The following EVL variants were observed in gnomAD, a reference collection of about 807,000 sequenced individuals.
The protein encoded by EVL is Enah/Vasp-like, also known as ena/VASP-like protein.
A neutral mutation model predicts 59.6 loss-of-function variants in EVL; 21 were observed. The ratio of observed to expected loss-of-function variants is 0.35; its 90% CI spans 0.25 to 0.51. EVL has a LOEUF of 0.51. Among genes scored for constraint, EVL ranks in the 20% least tolerant of loss-of-function variants. The pLI, the probability that EVL is intolerant of heterozygous loss-of-function variation, is 0.97. For missense variants in EVL, 462 were observed against 546.6 expected (o/e 0.85, Z 1.54); for synonymous variants, 198 against 203.5 (o/e 0.97, Z 0.23).
intron 9 of EVL, 80 bp from the exon 10 acceptor site, chr14:100,137,498 T>A: frequency 6.8e-7 from 1 of 1,462,374 alleles, no homozygotes; most frequent in Admixed American, 1.7e-5. Context: ...GAGGGCTTCC[T>A]GTTGGGGTGT....
chr14:100,016,366 T>C (rs1184685487), intron 1 of EVL, among the ~76,000 whole-genome samples: 1 of 152,092 alleles, frequency 6.6e-6, no homozygotes, highest in Non-Finnish European at 1.5e-5. Context: ...CCGTCTCTAC[T>C]AAAAATACAA....
At chr14:100,058,963 G>C (rs765057929) in intron 1 of EVL, among the ~76,000 whole-genome samples, 2 of 152,216 alleles carry the variant, frequency 1.3e-5, no homozygotes, top group Non-Finnish European at 2.9e-5. Flanking sequence ...GTGAAGGACA[G>C]AGGAAATGAG....
At chr14:100,064,742 C>G (rs2061896655), upstream of EVL, among the ~76,000 whole-genome samples, 2 of 152,196 alleles carry the variant, frequency 1.3e-5, no homozygotes, top group African/African-American at 4.8e-5. Context: ...GAAACCCCGT[C>G]TCTACTAAAA....
intron 1 of EVL, among the ~76,000 whole-genome samples, chr14:100,031,255 C>T (rs768726214): frequency 8.5e-5 from 13 of 152,196 alleles, no homozygotes; most frequent in Admixed American, 2.0e-4. Context: ...CAGACATGTG[C>T]ACTGTTTAAA....
rs971487354 is a variant in EVL, at chr14:100,143,325, G to A, written c.1220-376G>A. Among the ~76,000 whole-genome samples, 7 of 152,024 alleles carry A rather than the reference G, an allele frequency of 4.6e-5. No homozygotes were observed. The East Asian group carries it at 5.8e-4, about 13-fold the overall frequency. On this transcript the variant is annotated intron_variant, in intron 13 of 13. Transcript: ENST00000392920. ...TTGGGGGAAGGGCTCCCGGGCCCCC[G>A]GCACCTGGACACCCACCTGTCCAGA...
chr14:100,059,619 G>A (rs546751225), intron 1 of EVL, among the ~76,000 whole-genome samples: 1 of 152,274 alleles, frequency 6.6e-6, no homozygotes, highest in Non-Finnish European at 1.5e-5. Flanking sequence ...AGATGTTGCA[G>A]ATCCGGCTTA....
Position 100,135,938 on chromosome 14 carries a change from C to T in EVL, c.934C>T (p.Arg312Ter). 6.2e-7 allele frequency: 1 copy of T among 1,613,866 alleles called. No individual in the cohort carries two copies. The highest frequency in any genetic ancestry group is 8.5e-7 in the Non-Finnish European group (1 of 1,180,010). The change falls in exon 9 of 14, where the codon CGA (arginine) becomes TGA (stop). Residue 312 changes from arginine to a stop codon, truncating the protein, a stop_gained. Transcript: ENST00000392920. LOFTEE classifies it high-confidence loss of function. ...TAGTACCTCCCCCTCTCCGGGGACC[C>T]GAGCAGCCAGCCAGCCACCTAACTC... Reference protein sequence around the residue: ...DPSTSPSPGTRAASQPPNSSE... With the variant: ...DPSTSPSPGT
At chr14:100,126,258 TGAG>T (rs1290823915) in intron 4 of EVL, among the ~76,000 whole-genome samples, 2 of 152,094 alleles carry the variant, frequency 1.3e-5, no homozygotes, top group African/African-American at 4.8e-5. Context: ...GTAAAGAAAA[TGAG>T]GAGTGTGGCC....
intron 3 of EVL, among the ~76,000 whole-genome samples, chr14:100,116,258 A>G (rs1887338519): frequency 6.6e-6 from 1 of 152,244 alleles, no homozygotes. Flanking sequence ...CCAGCCAGAA[A>G]GATGGCAGAG....
chr14:100,003,483 C>G (rs2060958797), intron 1 of EVL, among the ~76,000 whole-genome samples: 1 of 152,122 alleles, frequency 6.6e-6, no homozygotes, highest in African/African-American at 2.4e-5. Context: ...ATGATGTCAT[C>G]TCGGCTCACT....
At chr14:100,025,115 C>CGAA (rs2061189027) in intron 1 of EVL, among the ~76,000 whole-genome samples, 1 of 152,174 alleles carries the variant, frequency 6.6e-6, no homozygotes, top group Non-Finnish European at 1.5e-5. Context: ...ATTTTTCACC[C>CGAA]ATTTTCCTTT....
rs1479007249 is a variant in EVL at position 100,132,794 on chromosome 14, C to T, written c.900+15C>T. 1.9e-6 allele frequency: 3 copies of T among 1,613,634 alleles called. No homozygotes were observed. Among genetic ancestry groups the T allele is most frequent in the Non-Finnish European group, 1.7e-6 (2 of 1,179,954 alleles). On this transcript the variant is annotated intron_variant, in intron 8 of 13. Transcript: ENST00000392920. ...AAAGCCAAATGGTGAGCAAGCAGCC[C>T]GCCCCACCCTCAGGCTCCCCACTGA...
intron 3 of EVL, among the ~76,000 whole-genome samples, chr14:100,122,616 A>G (rs1446558601): frequency 2.0e-5 from 3 of 152,216 alleles, no homozygotes; most frequent in African/African-American, 7.2e-5. Flanking sequence ...ATCCTGCGGC[A>G]GAAACAAAGC....
intron 1 of EVL, among the ~76,000 whole-genome samples, chr14:100,003,924 G>T (rs1007558910): frequency 2.6e-5 from 4 of 152,196 alleles, no homozygotes; most frequent in Non-Finnish European, 5.9e-5. Context: ...AATGTTAGAG[G>T]ACAGATGCGG....
At chr14:100,015,753 C>T (rs941595557) in intron 1 of EVL, among the ~76,000 whole-genome samples, 11 of 152,250 alleles carry the variant, frequency 7.2e-5, no homozygotes, top group African/African-American at 2.4e-4. Context: ...ATTAGGGTTC[C>T]ATGGAAGTGT....
intron 1 of EVL, among the ~76,000 whole-genome samples, chr14:100,025,609 A>G (rs1485540812): frequency 6.6e-6 from 1 of 152,152 alleles, no homozygotes; most frequent in Non-Finnish European, 1.5e-5. Context: ...AGCAGAACCT[A>G]AGTGCCACAA....
intron 3 of EVL, among the ~76,000 whole-genome samples, chr14:100,105,334 C>G (rs1046544377): frequency 6.6e-6 from 1 of 152,102 alleles, no homozygotes; most frequent in Non-Finnish European, 1.5e-5. Flanking sequence ...CAGCAACCCT[C>G]TAAGAACAGG....
Position 100,086,545 on chromosome 14 carries a change from G to A in EVL, c.180+1690G>A, listed in dbSNP as rs550246762. Among the ~76,000 whole-genome samples, 9 of 152,340 alleles carry A rather than the reference G, an allele frequency of 5.9e-5. No homozygotes were observed. The East Asian group carries it at 1.7e-3, about 29-fold the overall frequency. ...CCCTCCAGGGCGTAGTAGGAAGACGGCATGGTGTACTGGAAAGGGCATGGG... is the reference window on the plus strand; with the variant it reads ...CCCTCCAGGGCGTAGTAGGAAGACGACATGGTGTACTGGAAAGGGCATGGG... On this transcript the variant is annotated intron_variant, in intron 2 of 13. Transcript: ENST00000392920.
At chr14:100,098,153 T>C (rs936757601) in intron 3 of EVL, among the ~76,000 whole-genome samples, 6 of 152,224 alleles carry the variant, frequency 3.9e-5, no homozygotes. Flanking sequence ...CATAAACAGC[T>C]AACTGGAATG....
Sources: gnomAD v4.1 joint callset for allele counts (sites outside exome capture counted in the v4.1 genomes callset) on GRCh38, gnomAD v4.1.1 for gene constraint, MANE v1.5 for transcripts, NCBI Gene and HGNC (gene_info 2026-07-23, HGNC 2026-07-21) for gene names.